Variants in HCRTR2 observed in about 807,000 individuals in gnomAD.
The protein encoded by HCRTR2 is orexin receptor type 2.
Under a neutral mutation model 49.0 loss-of-function variants are expected in HCRTR2, and 22 were observed. The observed-to-expected ratio is 0.45, with a 90% CI of 0.32 to 0.64. HCRTR2 has a LOEUF of 0.64. HCRTR2 is among the 30% of genes least tolerant of loss of function. The pLI is 0.04. For missense variants in HCRTR2, 491 were observed against 559.4 expected, an observed-to-expected ratio of 0.88 and a Z score of 1.23; for synonymous variants, 236 against 205.3, an observed-to-expected ratio of 1.15 and a Z score of -1.28.
chr6:55,109,213 A>G (rs1294126631), intron 1 of HCRTR2, among the ~76,000 whole-genome samples: 1 of 152,102 alleles, frequency 6.6e-6, no homozygotes, highest in Non-Finnish European at 1.5e-5. Context: ...CATCAAATAA[A>G]CACATATTGG....
chr6:55,281,686 T>A (rs1488145262), intron 6 of HCRTR2, among the ~76,000 whole-genome samples: 1 of 144,768 alleles, frequency 6.9e-6, no homozygotes, highest in Non-Finnish European at 1.5e-5. Flanking sequence ...TTCTACAGTA[T>A]TTTTCCCCCT....
At chr6:55,235,512 T>G (rs1411703247) in intron 1 of HCRTR2, among the ~76,000 whole-genome samples, 1 of 152,120 alleles carries the variant, frequency 6.6e-6, no homozygotes, top group African/African-American at 2.4e-5. Flanking sequence ...GTTTAATTTT[T>G]CAAACATGTC....
chr6:55,252,532 G>A (rs536036249), intron 2 of HCRTR2, among the ~76,000 whole-genome samples: 3 of 152,040 alleles, frequency 2.0e-5, no homozygotes, highest in Non-Finnish European at 4.4e-5. Flanking sequence ...CTATTCCCAG[G>A]TTAGCAATGG....
chr6:55,201,537 C>T (rs531880781), intron 1 of HCRTR2, among the ~76,000 whole-genome samples: 44 of 152,180 alleles, frequency 2.9e-4, no homozygotes, highest in African/African-American at 8.4e-4. Flanking sequence ...GGGATTTTTT[C>T]TGGTGATTCT....
chr6:55,188,253 C>T (rs1445970714), intron 1 of HCRTR2, among the ~76,000 whole-genome samples: 3 of 152,174 alleles, frequency 2.0e-5, no homozygotes, highest in African/African-American at 7.2e-5. Context: ...AACTAATCAC[C>T]AATGCCTCAG....
intron 1 of HCRTR2, among the ~76,000 whole-genome samples, chr6:55,162,071 C>T (rs562453099): frequency 7.9e-5 from 12 of 151,978 alleles, no homozygotes; most frequent in Admixed American, 2.6e-4. Flanking sequence ...TGATTAACAC[C>T]GACGCAAAAA....
upstream of HCRTR2, among the ~76,000 whole-genome samples, chr6:55,171,184 T>A (rs979488549): frequency 6.6e-6 from 1 of 152,152 alleles, no homozygotes; most frequent in African/African-American, 2.4e-5. Flanking sequence ...TTGAACTAGT[T>A]TACACTCCCA....
intron 1 of HCRTR2, among the ~76,000 whole-genome samples, chr6:55,168,143 A>C (rs9370394): frequency 6.6e-6 from 1 of 152,238 alleles, no homozygotes; most frequent in East Asian, 1.9e-4. Context: ...GGATACAAAG[A>C]TGAATGAGAA....
At chr6:55,124,161 T>G (rs1764242039) in intron 1 of HCRTR2, among the ~76,000 whole-genome samples, 1 of 152,178 alleles carries the variant, frequency 6.6e-6, no homozygotes, top group African/African-American at 2.4e-5. Flanking sequence ...TGCTAGCTTT[T>G]GAATGTGTTT....
intron 1 of HCRTR2, among the ~76,000 whole-genome samples, chr6:55,130,970 A>G (rs572712713): frequency 6.6e-6 from 1 of 152,030 alleles, no homozygotes; most frequent in African/African-American, 2.4e-5. Context: ...GGAACTGGAA[A>G]GAACTAGAGC....
intron 1 of HCRTR2, among the ~76,000 whole-genome samples, chr6:55,176,539 A>G (rs1419436024): frequency 6.6e-6 from 1 of 152,216 alleles, no homozygotes; most frequent in Non-Finnish European, 1.5e-5. Flanking sequence ...AAAATTGAAC[A>G]TATATTGAGT....
At chr6:55,150,925 C>T (rs1287185985) in intron 1 of HCRTR2, among the ~76,000 whole-genome samples, 2 of 151,938 alleles carry the variant, frequency 1.3e-5, no homozygotes, top group African/African-American at 4.8e-5. Context: ...AAGTGAATCC[C>T]ACAAATGTTT....
chr6:55,208,868 G>T (rs773130258), intron 1 of HCRTR2, among the ~76,000 whole-genome samples: 1 of 152,162 alleles, frequency 6.6e-6, no homozygotes, highest in Non-Finnish European at 1.5e-5. Context: ...GCATTAAAAT[G>T]ACAAATGTGT....
At chr6:55,261,564 G>A (rs1766756640) in intron 3 of HCRTR2, among the ~76,000 whole-genome samples, 1 of 151,898 alleles carries the variant, frequency 6.6e-6, no homozygotes, top group Admixed American at 6.6e-5. Flanking sequence ...GCCTGTAATT[G>A]GTGTCTGGCC....
At chr6:55,202,446 G>C (rs925906038) in intron 1 of HCRTR2, among the ~76,000 whole-genome samples, 2 of 152,058 alleles carry the variant, frequency 1.3e-5, no homozygotes, top group African/African-American at 2.4e-5. Flanking sequence ...ATACATTCTT[G>C]TCTTAATCAG....
At chr6:55,197,437 A>C (rs56914972) in intron 1 of HCRTR2, among the ~76,000 whole-genome samples, 8,495 of 152,204 alleles carry the variant, frequency 0.056, 369 homozygotes, top group African/African-American at 0.12. Context: ...AACAAACCTT[A>C]TCTTGAAACT....
intron 1 of HCRTR2, among the ~76,000 whole-genome samples, chr6:55,132,436 CA>C (rs999359238): frequency 2.6e-5 from 4 of 151,824 alleles, no homozygotes; most frequent in African/African-American, 9.7e-5. Context: ...CTATATGTGC[CA>C]GGGGCACAAG....
At chr6:55,228,469 A>G (rs1004492229) in intron 1 of HCRTR2, among the ~76,000 whole-genome samples, 8 of 152,212 alleles carry the variant, frequency 5.3e-5, no homozygotes, top group Non-Finnish European at 1.0e-4. Context: ...TCTGTATCTT[A>G]CAATCTGTGA....
chr6:55,210,791 G>C (rs1266808847), intron 1 of HCRTR2, among the ~76,000 whole-genome samples: 1 of 152,076 alleles, frequency 6.6e-6, no homozygotes, highest in Admixed American at 6.6e-5. Flanking sequence ...ACTTGCAACA[G>C]CAACAACAAT....
Sources: gnomAD v4.1 joint callset for allele counts (sites outside exome capture counted in the v4.1 genomes callset) on GRCh38, gnomAD v4.1.1 for gene constraint, MANE v1.5 for transcripts, NCBI Gene and HGNC (gene_info 2026-07-23, HGNC 2026-07-21) for gene names.